Variants in CTTN observed in about 807,000 individuals in gnomAD.
CTTN encodes the protein cortactin.
Under a neutral mutation model 84.0 loss-of-function variants are expected in CTTN, and 28 were observed. The ratio of observed to expected loss-of-function variants is 0.33; its 90% CI spans 0.25 to 0.46. The LOEUF (loss-of-function observed/expected upper bound fraction) is 0.46, where lower values mean the gene tolerates loss of function less well. Among genes scored for constraint, CTTN ranks in the 20% least tolerant of loss-of-function variants. CTTN has a pLI of 1.00. For synonymous variants in CTTN, 301 were observed against 288.8 expected (o/e 1.04, Z -0.43); for missense variants, 641 against 723.8 (o/e 0.89, Z 1.31).
intron 1 of CTTN, among the ~76,000 whole-genome samples, chr11:70,404,036 A>T (rs1565486269): frequency 6.6e-6 from 1 of 152,150 alleles, no homozygotes; most frequent in Admixed American, 6.5e-5. Flanking sequence ...ATACACGACC[A>T]TGCCTGGCTA....
intron 4 of CTTN, 80 bp downstream of exon 4, chr11:70,407,671 T>C (rs1346816240): frequency 1.5e-6 from 2 of 1,333,468 alleles, no homozygotes; most frequent in East Asian, 4.6e-5. Flanking sequence ...TGGTCATCTG[T>C]GGAGGGACAG....
In CTTN at chr11:70,433,098, C is replaced by T; in HGVS notation, c.1267-3C>T. 1 of 1,612,896 alleles carries T rather than the reference C, an allele frequency of 6.2e-7. No individual in the cohort carries two copies. The highest frequency in any genetic ancestry group is 1.7e-4 in the Middle Eastern group (1 of 6,050). ...GTGCCATGTGCGTGTGACCCTTCCCCAGGATGCGGCTTCCTTCAAGGCAGA... is the reference window on the plus strand; with the variant it reads ...GTGCCATGTGCGTGTGACCCTTCCCTAGGATGCGGCTTCCTTCAAGGCAGA... On this transcript the variant is annotated splice_region_variant and splice_polypyrimidine_tract_variant and intron_variant, in intron 15 of 17. Transcript: ENST00000301843.
rs1385638703 is a variant in CTTN, at chr11:70,435,879, G to A, written c.*717G>A. 16 of 1,495,338 alleles carry A rather than the reference G, an allele frequency of 1.1e-5. No individual in the cohort carries two copies. The highest frequency in any genetic ancestry group is 1.3e-5 in the Non-Finnish European group (15 of 1,131,942). The allele number at this position is 1,495,338 out of a possible 1,614,324, so 92.6% of individuals were successfully genotyped here. ...CCTGTCCCCGCCGGGCAGTGTCACT[G>A]AGTCCTTGAAATCCTCCCCTGCCCC... On this transcript the variant is annotated 3_prime_UTR_variant, in exon 18 of 18. Transcript: ENST00000301843.
intron 1 of CTTN, among the ~76,000 whole-genome samples, chr11:70,404,743 C>A (rs1051499192): frequency 6.6e-6 from 1 of 152,236 alleles, no homozygotes; most frequent in Non-Finnish European, 1.5e-5. Flanking sequence ...TGCCTCACAC[C>A]TGTAATCCCA....
At chr11:70,423,016 G>A in intron 12 of CTTN, 21 bp downstream of exon 12, 2 of 1,613,858 alleles carry the variant, frequency 1.2e-6, no homozygotes, top group Non-Finnish European at 1.7e-6. Context: ...CAGCCCCGGA[G>A]CTTAGTGTCT....
rs1215764444 is a variant in CTTN, at chr11:70,433,138, G to T, written c.1304G>T (p.Gly435Val). 1.2e-6 allele frequency: 2 copies of T among 1,613,912 alleles called. No individual in the cohort carries two copies. Among genetic ancestry groups the T allele is most frequent in the Admixed American group, 3.3e-5 (2 of 60,018 alleles). Residue 435 changes from glycine (G) to valine (V), a missense_variant, in exon 16 of 18, where the codon GGC becomes GTC. Physicochemically the swap from Gly to Val is moderately radical, Grantham distance 109. Around this residue, in one of 3 missense-constraint regions of CTTN, gnomAD observed 289 missense variants for 273.1 expected, o/e 1.06. Transcript: ENST00000301843. ...TTCAAGGCAGAGCTGAGCTACAGAG[G>T]CCCTGTGAGTGGGACGGAGCCGGAG... ...ASFKAELSYR[G>V]PVSGTEPEPV...
Position 70,435,930 on chromosome 11 carries a change from G to A in CTTN, c.*768G>A. 1 of 1,451,570 alleles carries A rather than the reference G, an allele frequency of 6.9e-7. No homozygotes were observed. The highest frequency in any genetic ancestry group is 2.5e-5 in the East Asian group (1 of 40,164). 89.9% of individuals were successfully genotyped at this position (1,451,570 alleles called of 1,614,324 possible). The stretch of plus-strand genomic sequence containing the variant: ...GCGGGTCTCTGGATTGGGACGCACA[G>A]TGCAGTTGAGGTCTGCGTCGGGCTT... On this transcript the variant is annotated 3_prime_UTR_variant, in exon 18 of 18. Transcript: ENST00000301843.
At chr11:70,406,197 G>A (rs1401535978) in intron 2 of CTTN, among the ~76,000 whole-genome samples, 6 of 152,176 alleles carry the variant, frequency 3.9e-5, no homozygotes, top group Non-Finnish European at 7.3e-5. Flanking sequence ...AGACAAAGTC[G>A]CACCTAGAAA....
rs773972487 is a variant in CTTN, at chr11:70,422,931, A to T, written c.902-9A>T. On this transcript the variant is annotated splice_polypyrimidine_tract_variant and intron_variant, in intron 11 of 17. Coordinates refer to ENST00000301843, the MANE Select transcript of CTTN (RefSeq NM_005231.4). ...CTCAGAGTAAGTGTTGTGTTTTGCC[A>T]CGTTTCAGACTACTCCAAAGGATTC... 8.7e-6 allele frequency: 14 copies of T among 1,613,972 alleles called. No individual in the cohort carries two copies. The highest frequency in any genetic ancestry group is 5.0e-5 in the Admixed American group (3 of 59,988).
chr11:70,432,415 G>C (rs941108285), intron 15 of CTTN, among the ~76,000 whole-genome samples: 4 of 152,338 alleles, frequency 2.6e-5, no homozygotes, highest in South Asian at 2.1e-4. Context: ...GATCTCCTGG[G>C]TGCGCGGTTC....
At chr11:70,432,877 GGT>G (rs1416900306) in intron 15 of CTTN, among the ~76,000 whole-genome samples, 3 of 152,218 alleles carry the variant, frequency 2.0e-5, no homozygotes, top group Non-Finnish European at 4.4e-5. Flanking sequence ...GAGTGTCGGT[GGT>G]GAGGACCGGG....
At position 70,435,722 on chromosome 11, in the gene CTTN, A is replaced by C. The variant is rs773518395; in HGVS notation, c.*560A>C. ...CAGATGGGAAATCTGCCTATGTCAT[A>C]CCGTGACAGCCCGCAGGATCAGGTG... On this transcript the variant is annotated 3_prime_UTR_variant, in exon 18 of 18. Transcript: ENST00000301843. The C allele has an allele frequency of 2.5e-6, 4 of 1,597,968 alleles. No individual in the cohort carries two copies. The East Asian group carries it at 8.9e-5, about 36-fold the overall frequency.
In CTTN at chr11:70,433,257, G is replaced by T; in HGVS notation, c.1423G>T (p.Ala475Ser). Residue 475 changes from alanine (A) to serine (S), a missense_variant, in exon 16 of 18, where the codon GCC becomes TCC. Physicochemically the swap from Ala to Ser is moderately conservative, Grantham distance 99. Transcript: ENST00000301843. ...AGAGGCTGTCTATGAAAGCGCAGAG[G>T]CCCCGGGCCACTATCCCGCAGGTAC... ...ATEAVYESAE[A>S]PGHYPAEDST... is the part of the protein sequence containing the mutation. 2 of 1,611,644 alleles carry T rather than the reference G, an allele frequency of 1.2e-6. No individual in the cohort carries two copies. The highest frequency in any genetic ancestry group is 1.7e-6 in the Non-Finnish European group (2 of 1,179,524).
intron 6 of CTTN, 108 bp downstream of exon 6, chr11:70,414,760 T>C (rs2058138374): frequency 2.7e-6 from 2 of 746,672 alleles, no homozygotes; most frequent in African/African-American, 1.7e-5. Context: ...GCCCTCCAGC[T>C]CTGGGGGACT....
chr11:70,422,869 T>C (rs2058254406), intron 11 of CTTN, 71 bp from the exon 12 acceptor site: 2 of 1,609,866 alleles, frequency 1.2e-6, no homozygotes, highest in South Asian at 1.1e-5. Flanking sequence ...TGGATCTGTC[T>C]GCATGCACCC....
At position 70,422,957 on chromosome 11, in the gene CTTN, G is replaced by C; in HGVS notation, c.919G>C (p.Gly307Arg). The change falls in exon 12 of 18, where the codon GGC (glycine) becomes CGC (arginine). Residue 307 changes from glycine (G) to arginine (R), a missense_variant. Gly to Arg is a moderately radical substitution (Grantham distance 125, BLOSUM62 -2). Coordinates refer to ENST00000301843, the MANE Select transcript of CTTN (RefSeq NM_005231.4). Reference protein sequence around the residue: ...ESQQDYSKGFGGKYGVQKDRM... With the variant: ...ESQQDYSKGFRGKYGVQKDRM... ...CGTTTCAGACTACTCCAAAGGATTC[G>C]GCGGGAAGTATGGGGTGCAGAAGGA... is the stretch of plus-strand genomic sequence containing the variant. 6.2e-7 allele frequency: 1 copy of C among 1,614,070 alleles called. No individual in the cohort carries two copies. The highest frequency in any genetic ancestry group is 1.1e-5 in the South Asian group (1 of 91,074).
At chr11:70,399,197 AAGGGATGAGGTCCG>A (rs926577744) in intron 1 of CTTN, among the ~76,000 whole-genome samples, 1 of 148,286 alleles carries the variant, frequency 6.7e-6, no homozygotes, top group Non-Finnish European at 1.5e-5. Flanking sequence ...TGCAGAGGGA[AAGGGATGAGGTCCG>A]AGGGGAGGAG....
intron 4 of CTTN, among the ~76,000 whole-genome samples, chr11:70,408,666 C>A (rs984325255): frequency 6.6e-6 from 1 of 152,208 alleles, no homozygotes; most frequent in Non-Finnish European, 1.5e-5. Flanking sequence ...TCCCAAAGTG[C>A]TGGGATCACA....
At chr11:70,422,675 C>A in intron 11 of CTTN, 1 of 1,417,870 alleles carries the variant, frequency 7.1e-7, no homozygotes, top group Non-Finnish European at 9.3e-7. Flanking sequence ...TGCCTGCTGC[C>A]CGCCGCCCCT....
Sources: gnomAD v4.1 joint callset for allele counts (sites outside exome capture counted in the v4.1 genomes callset) on GRCh38, gnomAD v4.1.1 for gene constraint, gnomAD v4.1.1 regional missense constraint, MANE v1.5 for transcripts, NCBI Gene and HGNC (gene_info 2026-07-23, HGNC 2026-07-21) for gene names.